Variants in ESPN observed in about 807,000 individuals in gnomAD.
ESPN encodes the protein espin, also known as autosomal recessive deafness type 36 protein.
In ESPN, 68 loss-of-function variants were observed where a neutral mutation model predicts 77.7. The ratio of observed to expected loss-of-function variants is 0.87; its 90% CI spans 0.72 to 1.07. The LOEUF (loss-of-function observed/expected upper bound fraction) is 1.07, where lower values mean the gene tolerates loss of function less well. ESPN is among the 50% of genes least tolerant of loss of function. The probability of loss-of-function intolerance (pLI) is 0.00; values close to 1 mark genes in which losing one functional copy is unlikely to be tolerated. For missense variants in ESPN, 1,060 were observed against 1,239.0 expected (o/e 0.86, Z 2.17); for synonymous variants, 449 against 567.1 (o/e 0.79, Z 2.96).
At chr1:6,426,665 G>A (rs866929996) in intron 1 of ESPN, among the ~76,000 whole-genome samples, 9 of 152,160 alleles carry the variant, frequency 5.9e-5, no homozygotes, top group South Asian at 2.1e-4. Context: ...TAGAGGCCCA[G>A]AGCCAGTGGG....
At chr1:6,456,229 C>T (rs113858328) in intron 10 of ESPN, 239 of 395,896 alleles carry the variant, frequency 6.0e-4, no homozygotes, top group African/African-American at 4.6e-3. Context: ...AGTTCACCCT[C>T]GAGCGTCTTA....
In ESPN at chr1:6,428,864, T is replaced by C. The variant is rs1432085541; in HGVS notation, c.488+445T>C. On this transcript the variant is annotated intron_variant, in intron 2 of 12. Transcript: ENST00000645284. This position sits in a 1 kb window ranked among gnomAD's most constrained non-coding sequence, Gnocchi z 5.4. ...CAGGCAGAAAGGGAACCCCATCAGT[T>C]ACCAAGCAGTTAAGGGAGAAAGGCC... Among the ~76,000 whole-genome samples, 1 of 152,090 alleles carries C rather than the reference T, an allele frequency of 6.6e-6. No individual in the cohort carries two copies. The highest frequency in any genetic ancestry group is 6.5e-5 in the Admixed American group (1 of 15,274).
chr1:6,460,482 T>C lies in ESPN; in HGVS notation c.*336T>C, dbSNP rs576188866. 9.5e-5 allele frequency: 20 copies of C among 210,344 alleles called. No homozygotes were observed. Among genetic ancestry groups the C allele is most frequent in the Non-Finnish European group, 1.6e-4 (17 of 103,812 alleles). The allele number at this position is 210,344 out of a possible 1,614,324, so 13.0% of individuals were successfully genotyped here. Reference sequence around the variant, plus strand: ...CAGCCCCGTGGGTGGTGACTTTGTTTTCCTGCGGGGCTCAGCCCCCTCCAG... The same window carrying C: ...CAGCCCCGTGGGTGGTGACTTTGTTCTCCTGCGGGGCTCAGCCCCCTCCAG... On this transcript the variant is annotated 3_prime_UTR_variant, in exon 13 of 13. Coordinates refer to ENST00000645284, the MANE Select transcript of ESPN (RefSeq NM_031475.3).
At chr1:6,453,648 G>A (rs1195373752) in intron 10 of ESPN, among the ~76,000 whole-genome samples, 1 of 152,116 alleles carries the variant, frequency 6.6e-6, no homozygotes, top group Non-Finnish European at 1.5e-5. Context: ...CTGGCCAGAG[G>A]CCCAGAAGAG....
rs201429644 is a variant in ESPN, at chr1:6,433,300, C to T, written c.488+4881C>T. Among the ~76,000 whole-genome samples, 190 of 151,060 alleles carry T rather than the reference C, an allele frequency of 1.3e-3. 1 individual carries two copies. The highest frequency in any genetic ancestry group is 4.4e-3 in the African/African-American group (181 of 41,112). Reference sequence around the variant, plus strand: ...TCTACTAAAAAATACAAAAATTAGCCGGGCATGGTGGTGGGTGTCTGTAAT... The same window carrying T: ...TCTACTAAAAAATACAAAAATTAGCTGGGCATGGTGGTGGGTGTCTGTAAT... On this transcript the variant is annotated intron_variant, in intron 2 of 12. Coordinates refer to ENST00000645284, the MANE Select transcript of ESPN (RefSeq NM_031475.3).
intron 10 of ESPN, chr1:6,454,731 A>C (rs1359601608): frequency 1.3e-5 from 5 of 398,166 alleles, no homozygotes; most frequent in Non-Finnish European, 2.2e-5. Flanking sequence ...CGCCTGGTGC[A>C]GCAAGATCTC....
chr1:6,426,080 G>A (rs1335183329), intron 1 of ESPN, among the ~76,000 whole-genome samples: 1 of 152,250 alleles, frequency 6.6e-6, no homozygotes, highest in Non-Finnish European at 1.5e-5. Context: ...TGGGTGTGGG[G>A]GCAGCCATGG....
intron 2 of ESPN, among the ~76,000 whole-genome samples, chr1:6,432,423 C>T (rs576026435): frequency 6.6e-6 from 1 of 152,320 alleles, no homozygotes; most frequent in East Asian, 1.9e-4. Flanking sequence ...GAGGTGGCTG[C>T]TGTCCTTGAC....
In ESPN at chr1:6,440,772, C is replaced by G. The variant is rs1643605341; in HGVS notation, c.822C>G (p.Thr274=). The change falls in exon 4 of 13, where the codon ACC becomes ACG. Residue 274 remains threonine, a synonymous_variant. Transcript: ENST00000645284. ...GEISADLWGG[T]PLHDAAENGE... ...TCTCGGCTGACCTGTGGGGCGGGAC[C>G]CCGCTGCACGACGCCGCCGAGAACG... 2 of 1,524,282 alleles carry G rather than the reference C, an allele frequency of 1.3e-6. No homozygotes were observed. Among genetic ancestry groups the G allele is most frequent in the Non-Finnish European group, 1.7e-6 (2 of 1,144,796 alleles). The allele number at this position is 1,524,282 out of a possible 1,614,324, so 94.4% of individuals were successfully genotyped here.
At chr1:6,425,348 A>G in intron 1 of ESPN, 99 bp downstream of exon 1, 2 of 1,410,090 alleles carry the variant, frequency 1.4e-6, no homozygotes. Flanking sequence ...GGGGTTTGGC[A>G]CCTCCTGGCC....
chr1:6,457,173 T>C lies in ESPN; in HGVS notation c.2326-11T>C, dbSNP rs772724378. On this transcript the variant is annotated splice_polypyrimidine_tract_variant and intron_variant, in intron 10 of 12. Transcript: ENST00000645284. ...CCCTGCAGGCCCTGAAGCTTTGTGG[T>C]TGTGTTTCAGGAGGAGGAGGAGGAG... 6.3e-7 allele frequency: 1 copy of C among 1,588,864 alleles called. No individual in the cohort carries two copies. The highest frequency in any genetic ancestry group is 8.6e-7 in the Non-Finnish European group (1 of 1,167,394).
At chr1:6,461,024 T>C (rs1361073089), downstream of ESPN, 14 of 409,940 alleles carry the variant, frequency 3.4e-5, no homozygotes, top group East Asian at 7.6e-4. The surrounding 1 kb of genome is among the most constrained non-coding windows in gnomAD (Gnocchi z 6.3). Flanking sequence ...GCTTGGGAGC[T>C]AAGGCCACAC....
At chr1:6,442,195 A>G (rs1397627189) in intron 5 of ESPN, among the ~76,000 whole-genome samples, 1 of 152,120 alleles carries the variant, frequency 6.6e-6, no homozygotes, top group Non-Finnish European at 1.5e-5. Flanking sequence ...GACAGCAAAC[A>G]CTATTCATTG....
rs367832657 is a variant in ESPN at position 6,428,269 on chromosome 1, G to T, written c.338G>T (p.Arg113Leu). 3.1e-6 allele frequency: 5 copies of T among 1,613,524 alleles called. No homozygotes were observed. Among genetic ancestry groups the T allele is most frequent in the Non-Finnish European group, 3.4e-6 (4 of 1,179,998 alleles). ...GCCACAGTCTTGCATCTGGCTGCCC[G>T]CTTCGGCCACCCCGAGGTGGTGAAC... ...SGATVLHLAARFGHPEVVNWL... is the reference protein window; with the variant it reads ...SGATVLHLAALFGHPEVVNWL... Residue 113 changes from arginine to leucine, a missense_variant, in exon 2 of 13, where the codon CGC becomes CTC. Physicochemically the swap from Arg to Leu is moderately radical, Grantham distance 102. Transcript: ENST00000645284. This position sits in a 1 kb window ranked among gnomAD's most constrained non-coding sequence, Gnocchi z 5.4.
chr1:6,430,278 A>C (rs1643193718), intron 2 of ESPN, among the ~76,000 whole-genome samples: 2 of 152,292 alleles, frequency 1.3e-5, no homozygotes, highest in Admixed American at 6.5e-5. Flanking sequence ...GTGGGTGAGC[A>C]CTGAGGGAGG....
At chr1:6,444,826 A>T (rs188386249) in intron 6 of ESPN, 144 bp downstream of exon 6, 61 of 930,624 alleles carry the variant, frequency 6.6e-5, no homozygotes, top group Non-Finnish European at 9.6e-5. Context: ...GGGAGGCGAC[A>T]CCCCTTCTGG....
chr1:6,429,346 A>T (rs1643157067), intron 2 of ESPN, among the ~76,000 whole-genome samples: 1 of 152,206 alleles, frequency 6.6e-6, no homozygotes, highest in African/African-American at 2.4e-5. Context: ...CAAACAAACT[A>T]GGATTTGGAT....
At chr1:6,446,832 GCCAC>G (rs1643857361) in intron 7 of ESPN, 1 of 152,236 alleles carries the variant, frequency 6.6e-6, no homozygotes. Flanking sequence ...CCAAGGCAAA[GCCAC>G]CCCAGGGCCA....
At position 6,460,454 on chromosome 1, in the gene ESPN, C is replaced by T. The variant is rs1311464033; in HGVS notation, c.*308C>T. The T allele has an allele frequency of 7.7e-6, 2 of 261,302 alleles. No individual in the cohort carries two copies. Among genetic ancestry groups the T allele is most frequent in the African/African-American group, 4.5e-5 (2 of 44,462 alleles). The allele number at this position is 261,302 out of a possible 1,614,324, so 16.2% of individuals were successfully genotyped here. ...TGACTATCAAAGAGTGCAGAGCTCTCCCCAGCCCCGTGGGTGGTGACTTTG... is the reference window on the plus strand; with the variant it reads ...TGACTATCAAAGAGTGCAGAGCTCTTCCCAGCCCCGTGGGTGGTGACTTTG... On this transcript the variant is annotated 3_prime_UTR_variant, in exon 13 of 13. Coordinates refer to ENST00000645284, the MANE Select transcript of ESPN (RefSeq NM_031475.3).
Sources: allele counts gnomAD v4.1 joint callset (sites outside exome capture counted in the v4.1 genomes callset), GRCh38; gene constraint gnomAD v4.1.1; non-coding constraint Gnocchi (gnomAD v3.1); transcripts MANE v1.5; gene names NCBI Gene and HGNC (gene_info 2026-07-23, HGNC 2026-07-21).